CADPS: variants seen among roughly 807,000 people sequenced by gnomAD.
CADPS encodes the protein calcium-dependent secretion activator 1.
A neutral mutation model predicts 167.3 loss-of-function variants in CADPS; 57 were observed. The ratio of observed to expected loss-of-function variants is 0.34; its 90% CI spans 0.28 to 0.42. The LOEUF (loss-of-function observed/expected upper bound fraction) is 0.42, where lower values mean the gene tolerates loss of function less well. Among genes scored for constraint, CADPS ranks in the 20% least tolerant of loss-of-function variants. CADPS has a pLI of 1.00. For synonymous variants in CADPS, 676 were observed against 635.3 expected, an observed-to-expected ratio of 1.06 and a Z score of -0.96; for missense variants, 1,414 against 1,738.1, an observed-to-expected ratio of 0.81 and a Z score of 3.32.
At chr3:62,572,932 A>T (rs1280657071) in intron 8 of CADPS, among the ~76,000 whole-genome samples, 2 of 152,058 alleles carry the variant, frequency 1.3e-5, no homozygotes, top group East Asian at 3.9e-4. Context: ...CCCAGGCTGG[A>T]GTGCAATGGC....
rs2060985944 is a variant in CADPS, at chr3:62,474,221, A to G, written c.3429T>C (p.Asp1143=). The change falls in exon 24 of 30, where the codon GAT becomes GAC. Residue 1143 remains aspartate, a synonymous_variant. Coordinates refer to ENST00000383710, the MANE Select transcript of CADPS (RefSeq NM_003716.4). ...SICTMFNVMV[D]AKAQSTKLCS... is the part of the protein sequence containing the mutation. The stretch of plus-strand genomic sequence containing the variant: ...AAAGTTTTGTTGATTGAGCTTTGGC[A>G]TCAACCATAACATTAAACATGGTGC... 1 of 1,468,760 alleles carries G rather than the reference A, an allele frequency of 6.8e-7. No individual in the cohort carries two copies. The highest frequency in any genetic ancestry group is 9.1e-7 in the Non-Finnish European group (1 of 1,104,412). 91.0% of individuals were successfully genotyped at this position (1,468,760 alleles called of 1,614,324 possible). A position where few individuals can be genotyped will look rare whatever the true frequency, so the allele number is the denominator to read the frequency against.
intron 6 of CADPS, among the ~76,000 whole-genome samples, chr3:62,623,982 G>A (rs774693892): frequency 1.3e-5 from 2 of 151,690 alleles, no homozygotes; most frequent in African/African-American, 2.4e-5. Flanking sequence ...GGTGCTCCTG[G>A]CATCTACTCA....
chr3:62,817,575 T>C (rs1293585578), intron 1 of CADPS, among the ~76,000 whole-genome samples: 3 of 152,182 alleles, frequency 2.0e-5, no homozygotes, highest in Non-Finnish European at 4.4e-5. Flanking sequence ...GAGCTATGAG[T>C]CAAAACAACT....
intron 16 of CADPS, chr3:62,513,508 GAACC>G (rs1474266420): frequency 1.6e-6 from 1 of 628,506 alleles, no homozygotes; most frequent in Non-Finnish European, 2.9e-6. Context: ...TTCACAGACA[GAACC>G]AACAGACAAG....
intron 1 of CADPS, among the ~76,000 whole-genome samples, chr3:62,769,065 G>GACTA (rs1030326499): frequency 6.6e-6 from 1 of 152,110 alleles, no homozygotes; most frequent in African/African-American, 2.4e-5. Context: ...CTGGGCAAAT[G>GACTA]ACTAACCTCT....
intron 1 of CADPS, among the ~76,000 whole-genome samples, chr3:62,822,915 A>G (rs2073274525): frequency 6.6e-6 from 1 of 152,168 alleles, no homozygotes; most frequent in Admixed American, 6.5e-5. Flanking sequence ...CGGACATTTC[A>G]GGCAGGGAAA....
intron 26 of CADPS, among the ~76,000 whole-genome samples, chr3:62,459,598 T>G (rs1423691375): frequency 6.6e-6 from 1 of 152,206 alleles, no homozygotes; most frequent in South Asian, 2.1e-4. Context: ...CAAATGTCAT[T>G]TCCTTCAATG....
intron 8 of CADPS, among the ~76,000 whole-genome samples, chr3:62,581,167 A>G (rs906451273): frequency 6.6e-6 from 1 of 152,286 alleles, no homozygotes; most frequent in East Asian, 1.9e-4. Flanking sequence ...GGTAACTCTA[A>G]TATCTTGTAG....
intron 24 of CADPS, among the ~76,000 whole-genome samples, chr3:62,472,972 T>C (rs937052258): frequency 6.6e-6 from 1 of 152,186 alleles, no homozygotes; most frequent in African/African-American, 2.4e-5. Flanking sequence ...TTGTCAGAAA[T>C]GCCAATTCTT....
chr3:62,606,372 G>A (rs956412620), intron 6 of CADPS, among the ~76,000 whole-genome samples: 2 of 152,068 alleles, frequency 1.3e-5, no homozygotes, highest in Non-Finnish European at 2.9e-5. Context: ...AGATTAATGG[G>A]TTATCAAAGA....
At chr3:62,526,228 A>G (rs2072176866) in intron 13 of CADPS, among the ~76,000 whole-genome samples, 2 of 152,142 alleles carry the variant, frequency 1.3e-5, no homozygotes, top group Non-Finnish European at 1.5e-5. Flanking sequence ...CTCCAAATAC[A>G]TCGCCCAAAA....
In CADPS at chr3:62,494,042, T is replaced by C. The variant is rs370752530; in HGVS notation, c.2707-377A>G. Among the ~76,000 whole-genome samples, 85 of 152,234 alleles carry C rather than the reference T, an allele frequency of 5.6e-4. No homozygotes were observed. In the South Asian group the frequency reaches 0.012, roughly 21 times the overall value. ...AGATTTAATTTCATAGATCCTAGGATGGAAAAAAGGGTATTGGATTCCTCT... is the reference window on the plus strand; with the variant it reads ...AGATTTAATTTCATAGATCCTAGGACGGAAAAAAGGGTATTGGATTCCTCT... On this transcript the variant is annotated intron_variant, in intron 18 of 29. Transcript: ENST00000383710.
At chr3:62,441,976 A>G (rs1468033937) in intron 27 of CADPS, among the ~76,000 whole-genome samples, 1 of 152,162 alleles carries the variant, frequency 6.6e-6, no homozygotes, top group Non-Finnish European at 1.5e-5. Flanking sequence ...TCCAGGCTCC[A>G]CCCCAGAATG....
At chr3:62,596,252 G>C (rs1203145429) in intron 6 of CADPS, among the ~76,000 whole-genome samples, 6 of 149,840 alleles carry the variant, frequency 4.0e-5, no homozygotes, top group Non-Finnish European at 5.9e-5. Context: ...CTGGAGTGCA[G>C]TGGCATGATC....
intron 19 of CADPS, among the ~76,000 whole-genome samples, chr3:62,493,418 G>A (rs1255798321): frequency 1.3e-5 from 2 of 152,116 alleles, no homozygotes; most frequent in South Asian, 2.1e-4. Context: ...ATTCAATGCC[G>A]CAAAGTATTT....
At chr3:62,822,781 G>T (rs982382373) in intron 1 of CADPS, among the ~76,000 whole-genome samples, 1 of 152,104 alleles carries the variant, frequency 6.6e-6, no homozygotes, top group African/African-American at 2.4e-5. Flanking sequence ...GGTGGAGGTT[G>T]CAGTGAGCCA....
chr3:62,486,387 G>T (rs915292916), intron 21 of CADPS, among the ~76,000 whole-genome samples: 9 of 144,774 alleles, frequency 6.2e-5, no homozygotes, highest in African/African-American at 1.1e-4. Context: ...GGAGCTTGCA[G>T]TGAGCCAAGA....
intron 3 of CADPS, among the ~76,000 whole-genome samples, chr3:62,679,542 A>G (rs1384723796): frequency 6.6e-6 from 1 of 151,990 alleles, no homozygotes; most frequent in Non-Finnish European, 1.5e-5. Flanking sequence ...CAAGTAACTC[A>G]TCCATGTCTC....
chr3:62,640,410 G>A (rs1392182014), intron 6 of CADPS, among the ~76,000 whole-genome samples: 1 of 152,102 alleles, frequency 6.6e-6, no homozygotes, highest in Non-Finnish European at 1.5e-5. Context: ...GGTATAATAA[G>A]CCTGGCCCAT....
Sources: allele counts gnomAD v4.1 joint callset (sites outside exome capture counted in the v4.1 genomes callset), GRCh38; gene constraint gnomAD v4.1.1; transcripts MANE v1.5; gene names NCBI Gene and HGNC (gene_info 2026-07-23, HGNC 2026-07-21).